Variants in PTPRU observed in about 807,000 individuals in gnomAD.
PTPRU encodes the protein receptor-type tyrosine-protein phosphatase U.
A neutral mutation model predicts 166.3 loss-of-function variants in PTPRU; 69 were observed. The observed-to-expected ratio is 0.41, with a 90% CI of 0.34 to 0.51. The LOEUF (loss-of-function observed/expected upper bound fraction) is 0.51, where lower values mean the gene tolerates loss of function less well. PTPRU is among the 20% of genes least tolerant of loss of function. The probability of loss-of-function intolerance (pLI) is 0.09; values close to 1 mark genes in which losing one functional copy is unlikely to be tolerated. For missense variants in PTPRU, 1,657 were observed against 2,013.7 expected (o/e 0.82, Z 3.39); for synonymous variants, 793 against 814.0 (o/e 0.97, Z 0.44).
rs894103103 is a variant in PTPRU at position 29,290,477 on chromosome 1, G to C, written c.2319-1392G>C. Among the ~76,000 whole-genome samples the C allele has an allele frequency of 2.8e-4, 42 of 152,210 alleles. 1 individual carries two copies. Among genetic ancestry groups the C allele is most frequent in the Admixed American group, 2.7e-3 (42 of 15,284 alleles). Reference sequence around the variant, plus strand: ...CGATGCTACTCTGTCTTCTCTCTCTGTCTTCTACTCTGCAAGCCTTCTGGA... The same window carrying C: ...CGATGCTACTCTGTCTTCTCTCTCTCTCTTCTACTCTGCAAGCCTTCTGGA... On this transcript the variant is annotated intron_variant, in intron 14 of 29. Transcript: ENST00000373779.
chr1:29,260,927 C>T lies in PTPRU; in HGVS notation c.1144+24C>T. 1 of 1,510,992 alleles carries T rather than the reference C, an allele frequency of 6.6e-7. No homozygotes were observed. The highest frequency in any genetic ancestry group is 2.4e-5 in the East Asian group (1 of 41,520). 93.6% of individuals were successfully genotyped at this position (1,510,992 alleles called of 1,614,324 possible). On this transcript the variant is annotated intron_variant, in intron 7 of 29. Coordinates refer to ENST00000373779, the MANE Select transcript of PTPRU (RefSeq NM_133178.4). This position sits in a 1 kb window ranked among gnomAD's most constrained non-coding sequence, Gnocchi z 8.3. Reference sequence around the variant, plus strand: ...AGGTGGGTGCAGCAGCTACCCCTGGCCTCAGTCTCTGGTGGGCCCAGGGCT... The same window carrying T: ...AGGTGGGTGCAGCAGCTACCCCTGGTCTCAGTCTCTGGTGGGCCCAGGGCT...
intron 25 of PTPRU, among the ~76,000 whole-genome samples, chr1:29,318,918 C>T (rs895575829): frequency 6.6e-6 from 1 of 152,232 alleles, no homozygotes; most frequent in Non-Finnish European, 1.5e-5. Context: ...GGAAGGTTCT[C>T]CCACAGCGGT....
intron 18 of PTPRU, among the ~76,000 whole-genome samples, chr1:29,309,857 G>T (rs977018855): frequency 6.6e-6 from 1 of 152,240 alleles, no homozygotes; most frequent in African/African-American, 2.4e-5. Context: ...TAAACTTGAG[G>T]TAGGGGGCTG....
Position 29,317,872 on chromosome 1 carries a change from T to C in PTPRU, c.3638T>C (p.Ile1213Thr). Reference sequence around the variant, plus strand: ...CCCGACCGCTGCCTGCCCTTCCTCATCTCCACTGATGGGGACTCCAACAAC... The same window carrying C: ...CCCGACCGCTGCCTGCCCTTCCTCACCTCCACTGATGGGGACTCCAACAAC... ...LPPDRCLPFL[I>T]STDGDSNNYI... The change falls in exon 25 of 30, where the codon ATC becomes ACC. Residue 1213 changes from isoleucine (I) to threonine (T), a missense_variant. Around this residue, in one of 3 missense-constraint regions of PTPRU, gnomAD observed 1,190 missense variants for 1,477.4 expected, o/e 0.81. Coordinates refer to ENST00000373779, the MANE Select transcript of PTPRU (RefSeq NM_133178.4). This position sits in a 1 kb window ranked among gnomAD's most constrained non-coding sequence, Gnocchi z 5.6. 1 of 1,614,012 alleles carries C rather than the reference T, an allele frequency of 6.2e-7. No homozygotes were observed. Among genetic ancestry groups the C allele is most frequent in the Non-Finnish European group, 8.5e-7 (1 of 1,179,998 alleles).
intron 22 of PTPRU, among the ~76,000 whole-genome samples, chr1:29,313,168 C>G (rs549751754): frequency 1.8e-4 from 28 of 152,282 alleles, no homozygotes; most frequent in Admixed American, 1.7e-3. Context: ...CCCCAGCTGC[C>G]CCTCCTCTCT....
chr1:29,247,211 C>T (rs2819602), intron 1 of PTPRU, among the ~76,000 whole-genome samples: 51,654 of 152,192 alleles, frequency 0.34, 10,655 homozygotes, highest in Non-Finnish European at 0.46. Flanking sequence ...ACACCTATCA[C>T]GTAGCACTGG....
At chr1:29,269,495 C>T (rs1034232804) in intron 7 of PTPRU, among the ~76,000 whole-genome samples, 3 of 151,756 alleles carry the variant, frequency 2.0e-5, no homozygotes, top group African/African-American at 7.2e-5. Flanking sequence ...TTTTCATAGG[C>T]TGGCCAGGAC....
At chr1:29,259,714 C>G in intron 5 of PTPRU, 150 bp downstream of exon 5, 2 of 1,263,158 alleles carry the variant, frequency 1.6e-6, no homozygotes, top group Non-Finnish European at 2.1e-6. Flanking sequence ...CTGCTCTGCG[C>G]TTTCTTGGGT....
At chr1:29,255,038 A>T (rs563430172) in intron 1 of PTPRU, among the ~76,000 whole-genome samples, 31 of 152,134 alleles carry the variant, frequency 2.0e-4, no homozygotes, top group South Asian at 8.3e-4. Context: ...GGTCCTGGGA[A>T]GTACTGGGGG....
chr1:29,322,683 A>T (rs1688211918), intron 26 of PTPRU, among the ~76,000 whole-genome samples: 1 of 152,082 alleles, frequency 6.6e-6, no homozygotes, highest in South Asian at 2.1e-4. Flanking sequence ...CCGACGGAGA[A>T]ACTGAGGCCA....
In PTPRU at chr1:29,291,364, G is replaced by C. The variant is rs1225177082; in HGVS notation, c.2319-505G>C. Among the ~76,000 whole-genome samples the C allele has an allele frequency of 1.3e-5, 2 of 150,034 alleles. No homozygotes were observed. Among genetic ancestry groups the C allele is most frequent in the African/African-American group, 5.1e-5 (2 of 39,494 alleles). On this transcript the variant is annotated intron_variant, in intron 14 of 29. Coordinates refer to ENST00000373779, the MANE Select transcript of PTPRU (RefSeq NM_133178.4). This position sits in a 1 kb window ranked among gnomAD's most constrained non-coding sequence, Gnocchi z 4.1. ...GAGCACAAGCTAGACTCTCTGCGGG[G>C]AAGGAGGGGTGTAGTCCCTCCTTCC...
chr1:29,290,898 C>T (rs1382652484), intron 14 of PTPRU, among the ~76,000 whole-genome samples: 1 of 152,182 alleles, frequency 6.6e-6, no homozygotes, highest in African/African-American at 2.4e-5. Context: ...GCTCTTCTTC[C>T]AGGTAGGCCA....
At position 29,255,211 on chromosome 1, in the gene PTPRU, T is replaced by C. The variant is rs1457823522; in HGVS notation, c.74-64T>C. On this transcript the variant is annotated intron_variant, in intron 1 of 29. Coordinates refer to ENST00000373779, the MANE Select transcript of PTPRU (RefSeq NM_133178.4). ...GGTAGAAGGGAGAGTGGGGCTACCC[T>C]CCAGGAGCCCTCCTGGCCAGCAGCC... The C allele has an allele frequency of 3.2e-6, 5 of 1,558,368 alleles. No homozygotes were observed. In the East Asian group the frequency reaches 1.2e-4, roughly 36 times the overall value.
intron 7 of PTPRU, among the ~76,000 whole-genome samples, chr1:29,272,919 A>AG (rs1557434767): frequency 2.0e-5 from 3 of 149,842 alleles, no homozygotes; most frequent in Admixed American, 6.6e-5. Flanking sequence ...AAAAAAAAAA[A>AG]AAAAAAAAGA....
In PTPRU at chr1:29,279,230, T is replaced by A. The variant is rs999617593; in HGVS notation, c.1563+109T>A. The A allele has an allele frequency of 1.0e-5, 11 of 1,094,422 alleles. No individual in the cohort carries two copies. The highest frequency in any genetic ancestry group is 1.3e-5 in the Non-Finnish European group (10 of 747,628). The allele number at this position is 1,094,422 out of a possible 1,614,324, so 67.8% of individuals were successfully genotyped here. A position where few individuals can be genotyped will look rare whatever the true frequency, so the allele number is the denominator to read the frequency against. The stretch of plus-strand genomic sequence containing the variant: ...GTGCATGGGAGGACAGATGTGATTG[T>A]CATAGTTTCTTCAACTATGGCCAGG... On this transcript the variant is annotated intron_variant, in intron 9 of 29. Transcript: ENST00000373779. This position sits in a 1 kb window ranked among gnomAD's most constrained non-coding sequence, Gnocchi z 5.2.
rs1685742358 is a variant in PTPRU, at chr1:29,275,297, T to A, written c.1145-151T>A. The A allele has an allele frequency of 3.7e-6, 3 of 802,858 alleles. No homozygotes were observed. The South Asian group carries it at 5.5e-5, about 15-fold the overall frequency. The allele number at this position is 802,858 out of a possible 1,614,324, so 49.7% of individuals were successfully genotyped here. A position where few individuals can be genotyped will look rare whatever the true frequency, so the allele number is the denominator to read the frequency against. The stretch of plus-strand genomic sequence containing the variant: ...CTGACTCCAAAGCACATACTTTTAC[T>A]CCCTGTTTGATGTTCTAGGGGTCCC... On this transcript the variant is annotated intron_variant, in intron 7 of 29. Coordinates refer to ENST00000373779, the MANE Select transcript of PTPRU (RefSeq NM_133178.4).
chr1:29,252,126 GAA>G (rs1684573024), intron 1 of PTPRU, among the ~76,000 whole-genome samples: 1 of 152,148 alleles, frequency 6.6e-6, no homozygotes, highest in African/African-American at 2.4e-5. Context: ...CTCAGCTCTG[GAA>G]AGAGTCTTCT....
intron 15 of PTPRU, among the ~76,000 whole-genome samples, chr1:29,302,208 T>TA (rs1456469299): frequency 1.3e-5 from 2 of 150,056 alleles, no homozygotes; most frequent in Non-Finnish European, 2.9e-5. Flanking sequence ...AAAAAAAATT[T>TA]AAAAAACGAA....
At chr1:29,319,668 T>C (rs1172401370) in intron 25 of PTPRU, among the ~76,000 whole-genome samples, 1 of 152,218 alleles carries the variant, frequency 6.6e-6, no homozygotes, top group Admixed American at 6.5e-5. Flanking sequence ...GGGGGCTCTT[T>C]GTTTCTCTGC....
Sources: gnomAD v4.1 joint callset for allele counts (sites outside exome capture counted in the v4.1 genomes callset) on GRCh38, gnomAD v4.1.1 for gene constraint, gnomAD v4.1.1 regional missense constraint, Gnocchi (gnomAD v3.1) non-coding constraint, MANE v1.5 for transcripts, NCBI Gene and HGNC (gene_info 2026-07-23, HGNC 2026-07-21) for gene names.